Variants in CDH13 observed in about 807,000 individuals in gnomAD.
CDH13 encodes cadherin 13.
CDH13 carries 24 observed loss-of-function variants against 63.8 expected under a neutral mutation model. The ratio of observed to expected loss-of-function variants is 0.38; its 90% CI spans 0.27 to 0.53. The LOEUF (loss-of-function observed/expected upper bound fraction) is 0.53. Among genes scored for constraint, CDH13 ranks in the 20% least tolerant of loss-of-function variants. CDH13 has a pLI of 0.85. For synonymous variants in CDH13, 503 were observed against 355.3 expected, an observed-to-expected ratio of 1.42 and a Z score of -4.67; for missense variants, 1,049 against 903.1, an observed-to-expected ratio of 1.16 and a Z score of -2.07.
At chr16:83,267,207 T>A (rs996468109) in intron 5 of CDH13, among the ~76,000 whole-genome samples, 1 of 152,084 alleles carries the variant, frequency 6.6e-6, no homozygotes, top group Non-Finnish European at 1.5e-5. Flanking sequence ...AGAGGAAAAT[T>A]TATCATTTCA....
chr16:82,680,740 G>A (rs1018452823), intron 1 of CDH13, among the ~76,000 whole-genome samples: 5 of 152,124 alleles, frequency 3.3e-5, no homozygotes, highest in South Asian at 2.1e-4. Context: ...GGAACTTTCC[G>A]TACTTGAGGC....
At chr16:82,792,128 C>G (rs1391307207) in intron 1 of CDH13, among the ~76,000 whole-genome samples, 1 of 152,120 alleles carries the variant, frequency 6.6e-6, no homozygotes, top group Non-Finnish European at 1.5e-5. Flanking sequence ...TTCACATAAA[C>G]CATCCATCTC....
At chr16:83,673,884 G>A (rs1914728596) in intron 9 of CDH13, among the ~76,000 whole-genome samples, 2 of 152,210 alleles carry the variant, frequency 1.3e-5, no homozygotes, top group African/African-American at 4.8e-5. Context: ...CAGGGGAAGA[G>A]GTGCCCACAG....
intron 7 of CDH13, among the ~76,000 whole-genome samples, chr16:83,557,605 A>G (rs1345428579): frequency 6.6e-6 from 1 of 152,208 alleles, no homozygotes; most frequent in Admixed American, 6.5e-5. Flanking sequence ...TCAGGCACTC[A>G]GGGTGACATA....
At chr16:82,998,387 T>G (rs183273694) in intron 2 of CDH13, among the ~76,000 whole-genome samples, 128 of 152,336 alleles carry the variant, frequency 8.4e-4, no homozygotes, top group Non-Finnish European at 1.5e-3. Context: ...GAGTATCACT[T>G]TCGTGAAGTT....
At chr16:83,550,450 G>C (rs2075469470) in intron 7 of CDH13, among the ~76,000 whole-genome samples, 1 of 152,222 alleles carries the variant, frequency 6.6e-6, no homozygotes, top group South Asian at 2.1e-4. Context: ...ATTGAATGTT[G>C]CTGGTGGCAG....
intron 7 of CDH13, among the ~76,000 whole-genome samples, chr16:83,490,147 A>T (rs2073980636): frequency 6.6e-6 from 1 of 152,146 alleles, no homozygotes; most frequent in African/African-American, 2.4e-5. Flanking sequence ...CCATTGGGTG[A>T]CACGAGCTAA....
intron 6 of CDH13, among the ~76,000 whole-genome samples, chr16:83,464,913 G>A (rs1021515463): frequency 6.6e-6 from 1 of 152,190 alleles, no homozygotes. Flanking sequence ...AAAGTACTGA[G>A]ATTACAGGCA....
intron 2 of CDH13, among the ~76,000 whole-genome samples, chr16:82,917,842 G>C (rs763446984): frequency 5.5e-5 from 8 of 144,350 alleles, no homozygotes; most frequent in Non-Finnish European, 1.2e-4. Context: ...TTGAACCCAG[G>C]ACGCAGAGGT....
intron 2 of CDH13, among the ~76,000 whole-genome samples, chr16:82,895,935 C>T (rs2041241201): frequency 6.6e-6 from 1 of 152,194 alleles, no homozygotes; most frequent in African/African-American, 2.4e-5. Flanking sequence ...GAGCTTGTGG[C>T]TGCCTCAAAG....
intron 2 of CDH13, among the ~76,000 whole-genome samples, chr16:82,927,767 T>C (rs13337797): frequency 0.022 from 3,380 of 152,304 alleles, 126 homozygotes; most frequent in African/African-American, 0.077. Flanking sequence ...CACCGCTCAG[T>C]CCTCAGCCCA....
rs111485972 is a variant in CDH13, at chr16:83,309,675, C to T, written c.637-35187C>T. Among the ~76,000 whole-genome samples the T allele has an allele frequency of 1.2e-3, 183 of 152,310 alleles. 3 individuals are homozygous for T. The highest frequency in any genetic ancestry group is 4.0e-3 in the African/African-American group (167 of 41,592). On this transcript the variant is annotated intron_variant, in intron 5 of 13. Transcript: ENST00000567109. ...CAGGCGTGAGCCGCCACGCCCAGCC[C>T]CCTCCTTCTGAAACTTGGAATGTCC...
chr16:83,572,289 C>T (rs1567775074), intron 7 of CDH13, among the ~76,000 whole-genome samples: 2 of 151,604 alleles, frequency 1.3e-5, no homozygotes, highest in African/African-American at 2.4e-5. Context: ...TGGGTTCAGG[C>T]GATTCTCATG....
chr16:83,725,595 CA>C (rs758538117), intron 10 of CDH13: 1 of 152,238 alleles, frequency 6.6e-6, no homozygotes, highest in Non-Finnish European at 1.5e-5. Flanking sequence ...TAACCTAAGA[CA>C]AAGGCAGTCG....
At chr16:83,487,650 T>C (rs1336138530) in intron 7 of CDH13, among the ~76,000 whole-genome samples, 26 of 152,182 alleles carry the variant, frequency 1.7e-4, no homozygotes, top group Admixed American at 1.7e-3. Context: ...ACCCTAAACC[T>C]GCTACCATTC....
intron 7 of CDH13, among the ~76,000 whole-genome samples, chr16:83,525,616 G>C (rs1297016588): frequency 6.6e-6 from 1 of 152,196 alleles, no homozygotes; most frequent in Non-Finnish European, 1.5e-5. Flanking sequence ...TAGTAGGCAA[G>C]ATAATGGCCC....
intron 4 of CDH13, among the ~76,000 whole-genome samples, chr16:83,168,463 T>C (rs1453085398): frequency 6.6e-6 from 1 of 152,030 alleles, no homozygotes; most frequent in Non-Finnish European, 1.5e-5. Flanking sequence ...GCCCAAATGC[T>C]AATAGTAGCT....
At chr16:83,502,068 A>C (rs909632600) in intron 7 of CDH13, among the ~76,000 whole-genome samples, 4 of 152,106 alleles carry the variant, frequency 2.6e-5, no homozygotes, top group African/African-American at 9.7e-5. Context: ...GTAAAATGGA[A>C]CTCATAGCAC....
chr16:83,286,306 C>G (rs911697745), intron 5 of CDH13, among the ~76,000 whole-genome samples: 3 of 152,148 alleles, frequency 2.0e-5, no homozygotes, highest in African/African-American at 7.2e-5. Context: ...TTTACTTTGA[C>G]AAATATTTTT....
Sources: gnomAD v4.1 joint callset for allele counts (sites outside exome capture counted in the v4.1 genomes callset) on GRCh38, gnomAD v4.1.1 for gene constraint, MANE v1.5 for transcripts, NCBI Gene and HGNC (gene_info 2026-07-23, HGNC 2026-07-21) for gene names.